Variants in KLF8 observed in about 807,000 individuals in gnomAD.
The protein encoded by KLF8 is Krueppel-like factor 8.
KLF8 carries 10 observed loss-of-function variants against 18.2 expected under a neutral mutation model. That is an observed-to-expected ratio of 0.55 (90% CI 0.34 to 0.93). KLF8 has a LOEUF of 0.93. KLF8 is among the 40% of genes least tolerant of loss of function. KLF8 has a pLI of 0.02. For missense variants in KLF8, 264 were observed against 277.9 expected, an observed-to-expected ratio of 0.95 and a Z score of 0.36; for synonymous variants, 109 against 97.3, an observed-to-expected ratio of 1.12 and a Z score of -0.71.
the KLF8 span, among the ~76,000 whole-genome samples, chrX:56,036,677 C>T: frequency 9.0e-6 from 1 of 111,593 alleles, no homozygotes; most frequent in African/African-American, 3.2e-5. Context: ...TTTGTAGTTC[C>T]ATACATATTT....
At position 56,290,646 on chromosome X, in the gene KLF8, C is replaced by T. The variant is rs1048914875; in HGVS notation, c.*6152C>T. On this transcript the variant is annotated 3_prime_UTR_variant, in exon 6 of 6. Coordinates refer to ENST00000468660, the MANE Select transcript of KLF8 (RefSeq NM_007250.5). ...ATTCCATGTCACATTCTCAGAAGCA[C>T]AAAGGCAATTTTCCAGAGCCCTTTA... Among the ~76,000 whole-genome samples, 1 of 111,446 alleles carries T rather than the reference C, an allele frequency of 9.0e-6. No homozygotes were observed. Among genetic ancestry groups the T allele is most frequent in the African/African-American group, 3.3e-5 (1 of 30,676 alleles).
rs1355973598 is a variant in KLF8 at position 56,233,284 on chromosome X, C to T, written c.-51C>T. ...GCGATCAGCTCAGGAGTATGAGCCT[C>T]CCGGAGGACGGCATGAGTTCTGGAC... On this transcript the variant is annotated 5_prime_UTR_variant, in exon 1 of 6. Transcript: ENST00000468660. 3 of 1,202,484 alleles carry T rather than the reference C, an allele frequency of 2.5e-6. No individual in the cohort carries two copies. The highest frequency in any genetic ancestry group is 1.8e-5 in the African/African-American group (1 of 56,727).
chrX:56,097,971 C>T, the KLF8 span, among the ~76,000 whole-genome samples: 1 of 110,323 alleles, frequency 9.1e-6, no homozygotes, highest in Non-Finnish European at 1.9e-5. Flanking sequence ...GATTTGATCC[C>T]CAATATTAGA....
chrX:56,269,558 C>T, intron 4 of KLF8, 69 bp downstream of exon 4: 3 of 1,085,172 alleles, frequency 2.8e-6, no homozygotes, highest in Non-Finnish European at 3.6e-6. Context: ...TACATTTGCA[C>T]ATATGTATAG....
chrX:56,209,371 T>C, the KLF8 span, among the ~76,000 whole-genome samples: 1 of 111,864 alleles, frequency 8.9e-6, no homozygotes, highest in Admixed American at 9.5e-5. Flanking sequence ...GTGTTTCTTG[T>C]AGTCAAGAGA....
At chrX:56,246,983 G>T (rs1161119398) in intron 1 of KLF8, among the ~76,000 whole-genome samples, 1 of 111,455 alleles carries the variant, frequency 9.0e-6, no homozygotes, top group Non-Finnish European at 1.9e-5. Flanking sequence ...AACTGAGAGT[G>T]TTCTATATGC....
At chrX:56,148,573 T>C in the KLF8 span, among the ~76,000 whole-genome samples, 1 of 112,005 alleles carries the variant, frequency 8.9e-6, no homozygotes, top group Admixed American at 9.5e-5. Context: ...CTCACGCTGC[T>C]AATAATTAAA....
the KLF8 span, among the ~76,000 whole-genome samples, chrX:55,971,837 C>T: frequency 3.0e-4 from 33 of 110,891 alleles, no homozygotes; most frequent in East Asian, 2.8e-3. Flanking sequence ...ATCAGAAAAA[C>T]GCAAATCAAA....
At chrX:56,208,349 T>C in the KLF8 span, among the ~76,000 whole-genome samples, 4 of 112,184 alleles carry the variant, frequency 3.6e-5, no homozygotes, top group Non-Finnish European at 7.5e-5. Flanking sequence ...TTTCTGATTT[T>C]ATTTATTTGG....
At chrX:56,005,239 C>T in the KLF8 span, among the ~76,000 whole-genome samples, 1 of 110,418 alleles carries the variant, frequency 9.1e-6, no homozygotes, top group African/African-American at 3.3e-5. Flanking sequence ...TCTCTAGCCC[C>T]TCAAGATTAG....
At chrX:56,158,851 C>T in the KLF8 span, among the ~76,000 whole-genome samples, 2 of 111,648 alleles carry the variant, frequency 1.8e-5, no homozygotes, top group Admixed American at 9.6e-5. Context: ...ATTTGACTTC[C>T]TCTTTTCCTA....
the KLF8 span, among the ~76,000 whole-genome samples, chrX:56,136,730 CA>C: frequency 9.0e-6 from 1 of 111,261 alleles, no homozygotes; most frequent in African/African-American, 3.3e-5. Context: ...AAAGCAATGG[CA>C]ACAAAAGCCA....
At chrX:55,929,679 G>A in the KLF8 span, among the ~76,000 whole-genome samples, 1 of 111,401 alleles carries the variant, frequency 9.0e-6, no homozygotes. Flanking sequence ...GATGGTTGTA[G>A]ATGTGTGGTG....
chrX:56,183,716 A>G, the KLF8 span, among the ~76,000 whole-genome samples: 1 of 112,341 alleles, frequency 8.9e-6, no homozygotes. Context: ...ACTATAAGGA[A>G]GACAGGAAGA....
chrX:56,081,534 A>C, the KLF8 span, among the ~76,000 whole-genome samples: 2 of 112,080 alleles, frequency 1.8e-5, no homozygotes, highest in African/African-American at 6.5e-5. Context: ...CAGTGGTGAA[A>C]GTGGGCAACC....
chrX:56,277,335 G>A (rs1020200174), intron 5 of KLF8, among the ~76,000 whole-genome samples: 1 of 112,044 alleles, frequency 8.9e-6, no homozygotes, highest in Non-Finnish European at 1.9e-5. Flanking sequence ...GGGATTGGGT[G>A]TTGTGATCTA....
chrX:56,162,509 G>T, the KLF8 span, among the ~76,000 whole-genome samples: 2 of 111,695 alleles, frequency 1.8e-5, no homozygotes, highest in African/African-American at 3.3e-5. Context: ...CTTGCAGTTT[G>T]ATCTCAGACT....
the KLF8 span, among the ~76,000 whole-genome samples, chrX:56,106,218 A>G: frequency 9.0e-6 from 1 of 111,185 alleles, no homozygotes; most frequent in South Asian, 3.8e-4. Context: ...CTCAAGGAGT[A>G]TCTTTGTGGC....
chrX:56,246,374 T>C (rs991849614), intron 1 of KLF8, among the ~76,000 whole-genome samples: 1 of 112,054 alleles, frequency 8.9e-6, no homozygotes, highest in Non-Finnish European at 1.9e-5. Context: ...TAGGTAACTA[T>C]TGAAGGGCTC....
Sources: gnomAD v4.1 joint callset for allele counts (sites outside exome capture counted in the v4.1 genomes callset) on GRCh38, gnomAD v4.1.1 for gene constraint, MANE v1.5 for transcripts, NCBI Gene and HGNC (gene_info 2026-07-23, HGNC 2026-07-21) for gene names.